The following WDR59 variants were observed in gnomAD, a reference collection of about 807,000 sequenced individuals.
WDR59 encodes the protein GATOR2 complex protein WDR59.
A neutral mutation model predicts 131.2 loss-of-function variants in WDR59; 100 were observed. The ratio of observed to expected loss-of-function variants is 0.76; its 90% confidence interval spans 0.65 to 0.90. WDR59 has a LOEUF of 0.90. Among genes scored for constraint, WDR59 ranks in the 40% least tolerant of loss-of-function variants. The probability of loss-of-function intolerance (pLI) is 0.00; values close to 1 mark genes in which losing one functional copy is unlikely to be tolerated. For synonymous variants in WDR59, 601 were observed against 466.2 expected (o/e 1.29, Z -3.72); for missense variants, 1,203 against 1,262.2 (o/e 0.95, Z 0.71).
At chr16:74,915,703 C>T (rs960557235) in intron 13 of WDR59, 167 bp downstream of exon 13, 14 of 903,112 alleles carry the variant, frequency 1.6e-5, no homozygotes, top group African/African-American at 8.4e-5. Context: ...GGATTACAGG[C>T]GTGAGCCACC....
rs1168916997 is a variant in WDR59 at position 74,909,620 on chromosome 16, A to C, written c.1523T>G (p.Leu508Arg). The change falls in exon 16 of 26, where the codon CTC (leucine) becomes CGC (arginine). Residue 508 changes from leucine (L) to arginine (R), a missense_variant. Leu to Arg is a moderately radical substitution (Grantham distance 102). Transcript: ENST00000262144. The part of the protein sequence containing the change: ...EDSASSNPFA[L>R]PNSVTPPLPT... ...TAAGGGGGGAGTGACAGAGTTGGGGAGTGCAAACGGGTTGCTGGAAGCGCT... is the reference window on the plus strand; with the variant it reads ...TAAGGGGGGAGTGACAGAGTTGGGGCGTGCAAACGGGTTGCTGGAAGCGCT... 3 of 1,595,490 alleles carry C rather than the reference A, an allele frequency of 1.9e-6. No individual in the cohort carries two copies. In the African/African-American group the frequency reaches 4.1e-5, roughly 22 times the overall value.
chr16:74,945,095 G>A (rs1255290537), intron 6 of WDR59, among the ~76,000 whole-genome samples: 1 of 151,854 alleles, frequency 6.6e-6, no homozygotes, highest in African/African-American at 2.4e-5. Flanking sequence ...CCGCACTATA[G>A]CCTGGCCGAC....
At chr16:74,939,446 T>G (rs2032054404) in intron 7 of WDR59, among the ~76,000 whole-genome samples, 1 of 152,010 alleles carries the variant, frequency 6.6e-6, no homozygotes, top group Non-Finnish European at 1.5e-5. Flanking sequence ...CACTGAAAAT[T>G]ATACTTAGAG....
chr16:74,891,970 G>T (rs750642672), intron 20 of WDR59, among the ~76,000 whole-genome samples: 5 of 151,886 alleles, frequency 3.3e-5, no homozygotes, highest in Non-Finnish European at 5.9e-5. Context: ...ATTTTAAATG[G>T]GCAAATTGCA....
At chr16:74,946,974 C>G (rs1350070766) in intron 6 of WDR59, among the ~76,000 whole-genome samples, 2 of 152,152 alleles carry the variant, frequency 1.3e-5, no homozygotes, top group African/African-American at 4.8e-5. Flanking sequence ...AAAATATTGA[C>G]AATTTAGCTT....
intron 2 of WDR59, among the ~76,000 whole-genome samples, chr16:74,962,665 T>C (rs2033611075): frequency 6.6e-6 from 1 of 152,184 alleles, no homozygotes; most frequent in Non-Finnish European, 1.5e-5. Context: ...AAGTTGCTTA[T>C]CAGCTTAAGA....
chr16:74,891,718 T>C (rs1409998398), intron 20 of WDR59, among the ~76,000 whole-genome samples: 2 of 151,384 alleles, frequency 1.3e-5, no homozygotes, highest in Non-Finnish European at 2.9e-5. Flanking sequence ...AGGCCAGGAG[T>C]TCAAGACTAG....
At chr16:74,940,749 A>C (rs2032153027) in intron 7 of WDR59, among the ~76,000 whole-genome samples, 1 of 152,100 alleles carries the variant, frequency 6.6e-6, no homozygotes, top group Admixed American at 6.5e-5. Flanking sequence ...TCTGTCATCC[A>C]GGCTGGAGTG....
intron 1 of WDR59, among the ~76,000 whole-genome samples, chr16:74,967,715 C>T (rs1489565785): frequency 6.6e-6 from 1 of 151,846 alleles, no homozygotes; most frequent in Non-Finnish European, 1.5e-5. Flanking sequence ...AAAAATTAGC[C>T]GGGCATGGTG....
intron 8 of WDR59, among the ~76,000 whole-genome samples, chr16:74,931,700 C>A (rs2031403348): frequency 6.6e-6 from 1 of 151,730 alleles, no homozygotes; most frequent in African/African-American, 2.4e-5. Context: ...ATGGGGAGAC[C>A]CATCTCTTAA....
intron 1 of WDR59, among the ~76,000 whole-genome samples, chr16:74,984,077 G>C (rs568713905): frequency 3.6e-4 from 54 of 152,078 alleles, no homozygotes; most frequent in Admixed American, 1.4e-3. Context: ...AGGAGTTCAA[G>C]ACCAGCCTGA....
rs78529113 is a variant in WDR59, at chr16:74,893,588, T to C, written c.2000+91A>G. 3.5e-6 allele frequency: 5 copies of C among 1,414,500 alleles called. No homozygotes were observed. The East Asian group carries it at 9.4e-5, about 27-fold the overall frequency. 87.6% of individuals were successfully genotyped at this position (1,414,500 alleles called of 1,614,324 possible). On this transcript the variant is annotated intron_variant, in intron 19 of 25. Coordinates refer to ENST00000262144, the MANE Select transcript of WDR59 (RefSeq NM_030581.4). ...ATTGGGCTTTTCCTAAAACTGCTTT[T>C]GAAGAAAGGATTCCCACACTCAAAA...
chr16:74,893,013 T>G (rs1965119102), intron 19 of WDR59, among the ~76,000 whole-genome samples: 1 of 152,208 alleles, frequency 6.6e-6, no homozygotes. Context: ...GAACTACAGG[T>G]GGCCTCTGCA....
intron 1 of WDR59, among the ~76,000 whole-genome samples, chr16:74,982,536 G>A (rs1230748925): frequency 1.3e-5 from 2 of 152,174 alleles, no homozygotes; most frequent in Non-Finnish European, 2.9e-5. Context: ...GCAGGGGTGA[G>A]ACTACCTGGG....
In WDR59 at chr16:74,904,090, C is replaced by G; in HGVS notation, c.1723G>C (p.Ala575Pro). The change falls in exon 18 of 26, where the codon GCC (alanine) becomes CCC (proline). Residue 575 changes from alanine to proline, a missense_variant. Ala to Pro is a conservative substitution (Grantham distance 27). Coordinates refer to ENST00000262144, the MANE Select transcript of WDR59 (RefSeq NM_030581.4). ...PTEPTPRSLS[A>P]LSAYHTGLIA... is the part of the protein sequence containing the mutation. ...AAGCCAGTGTGATAAGCAGACAAGG[C>G]TGAGAGAGATCTGTAGTTGAAAATG... The G allele has an allele frequency of 1.2e-6, 2 of 1,613,134 alleles. No homozygotes were observed. The highest frequency in any genetic ancestry group is 1.7e-6 in the Non-Finnish European group (2 of 1,179,714).
chr16:74,909,549 C>T lies in WDR59; in HGVS notation c.1594G>A (p.Ala532Thr), dbSNP rs147162672. 3.7e-6 allele frequency: 6 copies of T among 1,606,440 alleles called. No homozygotes were observed. The highest frequency in any genetic ancestry group is 3.4e-5 in the Admixed American group (2 of 58,896). ...GAAGTCCTAGGAAAGGGAATGTTGG[C>T]GTCCTGGTACGACCCGTAAGCCGTG... ...VTTAYGSYQD[A>T]NIPFPRTSGA... Residue 532 changes from alanine to threonine, a missense_variant, in exon 16 of 26, where the codon GCC becomes ACC. Coordinates refer to ENST00000262144, the MANE Select transcript of WDR59 (RefSeq NM_030581.4).
intron 2 of WDR59, among the ~76,000 whole-genome samples, chr16:74,957,345 T>A (rs943010474): frequency 2.0e-5 from 3 of 152,126 alleles, no homozygotes; most frequent in Non-Finnish European, 2.9e-5. Flanking sequence ...CCTCCCAAAG[T>A]ACTGGGATTA....
chr16:74,972,821 TAAAAAAAAAAAAA>T lies in WDR59; in HGVS notation c.55-7012_55-7000del, dbSNP rs57885889. Among the ~76,000 whole-genome samples the T allele has an allele frequency of 1.1e-3, 61 of 55,070 alleles. No homozygotes were observed. In the South Asian group the frequency reaches 0.017, roughly 16 times the overall value. 36.1% of individuals were successfully genotyped at this position (55,070 alleles called of 152,430 possible). A position where few individuals can be genotyped will look rare whatever the true frequency, so the allele number is the denominator to read the frequency against. ...TGGGTGACAGAGCAGGACTCTGTCTTAAAAAAAAAAAAAAAAAAAAAAAAAAAAGAGGTTTTAC... is the reference window on the plus strand; with the variant it reads ...TGGGTGACAGAGCAGGACTCTGTCTTAAAAAAAAAAAAAAAGAGGTTTTAC... On this transcript the variant is annotated intron_variant, in intron 1 of 25. Coordinates refer to ENST00000262144, the MANE Select transcript of WDR59 (RefSeq NM_030581.4).
At chr16:74,885,488 C>T (rs1178763136) in intron 25 of WDR59, among the ~76,000 whole-genome samples, 165 bp downstream of exon 25, 4 of 142,030 alleles carry the variant, frequency 2.8e-5, no homozygotes, top group East Asian at 2.2e-4. Flanking sequence ...CATCCTGTTA[C>T]GAAATGCAAG....
Sources: allele counts gnomAD v4.1 joint callset (sites outside exome capture counted in the v4.1 genomes callset), GRCh38; gene constraint gnomAD v4.1.1; transcripts MANE v1.5; gene names NCBI Gene and HGNC (gene_info 2026-07-23, HGNC 2026-07-21).